Variants in PIAS2 observed in about 807,000 individuals in gnomAD.
The protein encoded by PIAS2 is E3 SUMO-protein ligase PIAS2.
In PIAS2, 19 loss-of-function variants were observed where a neutral mutation model predicts 69.7. The observed-to-expected ratio is 0.27, with a 90% CI of 0.19 to 0.40. The LOEUF is 0.40. Ranked by LOEUF, PIAS2 falls within the 10% of genes least tolerant of loss-of-function variation. The pLI, the probability that PIAS2 is intolerant of heterozygous loss-of-function variation, is 1.00. For missense variants in PIAS2, 624 were observed against 757.0 expected, an observed-to-expected ratio of 0.82 and a Z score of 2.06; for synonymous variants, 261 against 263.2, an observed-to-expected ratio of 0.99 and a Z score of 0.08.
chr18:46,864,387 G>A (rs751809231), intron 2 of PIAS2, 139 bp from the exon 3 acceptor site: 38 of 599,038 alleles, frequency 6.3e-5, no homozygotes, highest in Non-Finnish European at 1.0e-4. Flanking sequence ...AAATCAGGAA[G>A]TACTAAACTG....
rs1300944025 is a variant in PIAS2, at chr18:46,810,005, G to A, written c.*2428C>T. 1 of 152,098 alleles carries A rather than the reference G, an allele frequency of 6.6e-6. No individual in the cohort carries two copies. 9.4% of individuals were successfully genotyped at this position (152,098 alleles called of 1,614,324 possible). Reference sequence around the variant, plus strand: ...ATTAATAATCATGATGTTGCCATAAGGCCAAAGTCATAAAGTACTAATGCT... The same window carrying A: ...ATTAATAATCATGATGTTGCCATAAAGCCAAAGTCATAAAGTACTAATGCT... On this transcript the variant is annotated 3_prime_UTR_variant, in exon 14 of 14. Coordinates refer to ENST00000585916, the MANE Select transcript of PIAS2 (RefSeq NM_004671.5).
intron 1 of PIAS2, among the ~76,000 whole-genome samples, chr18:46,910,321 G>C (rs961760308): frequency 4.6e-5 from 7 of 152,148 alleles, no homozygotes; most frequent in African/African-American, 1.7e-4. Context: ...TCCTGCTAAA[G>C]TTACACTAAT....
chr18:46,855,534 A>C, intron 4 of PIAS2, 31 bp downstream of exon 4: 2 of 1,601,882 alleles, frequency 1.2e-6, no homozygotes, highest in Non-Finnish European at 1.7e-6. Context: ...AGCAAGTATA[A>C]AACTAAGGTA....
chr18:46,827,657 C>T lies in PIAS2; in HGVS notation c.1508+302G>A, dbSNP rs188492800. 18 of 240,536 alleles carry T rather than the reference C, an allele frequency of 7.5e-5. No homozygotes were observed. The East Asian group carries it at 1.4e-3, about 18-fold the overall frequency. 14.9% of individuals were successfully genotyped at this position (240,536 alleles called of 1,614,324 possible). A position where few individuals can be genotyped will look rare whatever the true frequency, so the allele number is the denominator to read the frequency against. ...TTCCCAGTTCCACACTCCATTACAC[C>T]AGACTTTCTCATCTGGTCTGAGATG... is the stretch of plus-strand genomic sequence containing the variant. On this transcript the variant is annotated intron_variant, in intron 11 of 13. Coordinates refer to ENST00000585916, the MANE Select transcript of PIAS2 (RefSeq NM_004671.5).
chr18:46,842,188 T>C (rs1326788724), intron 8 of PIAS2, among the ~76,000 whole-genome samples: 2 of 147,386 alleles, frequency 1.4e-5, no homozygotes, highest in Non-Finnish European at 3.0e-5. Context: ...TTCATGCTAC[T>C]GCATTCCAGC....
At chr18:46,890,142 C>T (rs1425776031) in intron 2 of PIAS2, among the ~76,000 whole-genome samples, 1 of 152,136 alleles carries the variant, frequency 6.6e-6, no homozygotes, top group Non-Finnish European at 1.5e-5. Flanking sequence ...TAGTCAAAAT[C>T]ATAGACAGTG....
rs2040989263 is a variant in PIAS2, at chr18:46,811,335, T to C, written c.*1098A>G. Reference sequence around the variant, plus strand: ...AATCACTGCTGAGACTGAAATTACATTGGTGAGAAATATGATCATCATAAA... The same window carrying C: ...AATCACTGCTGAGACTGAAATTACACTGGTGAGAAATATGATCATCATAAA... On this transcript the variant is annotated 3_prime_UTR_variant, in exon 14 of 14. Transcript: ENST00000585916. The C allele has an allele frequency of 6.6e-6, 1 of 152,134 alleles. No individual in the cohort carries two copies. Among genetic ancestry groups the C allele is most frequent in the African/African-American group, 2.4e-5 (1 of 41,420 alleles). The allele number at this position is 152,134 out of a possible 1,614,324, so 9.4% of individuals were successfully genotyped here. A position where few individuals can be genotyped will look rare whatever the true frequency, so the allele number is the denominator to read the frequency against.
intron 11 of PIAS2, 93 bp downstream of exon 11, chr18:46,827,866 G>T: frequency 1.8e-6 from 2 of 1,125,282 alleles, no homozygotes; most frequent in Non-Finnish European, 2.5e-6. Flanking sequence ...GCCTTCTACA[G>T]TTATGCCATT....
At chr18:46,830,529 A>T (rs928431456) in intron 9 of PIAS2, among the ~76,000 whole-genome samples, 2 of 152,082 alleles carry the variant, frequency 1.3e-5, no homozygotes, top group African/African-American at 4.8e-5. Context: ...TTCCCTAATT[A>T]GAAATAAAGT....
At chr18:46,828,297 T>A (rs1282358586) in intron 10 of PIAS2, among the ~76,000 whole-genome samples, 167 bp from the exon 11 acceptor site, 3 of 152,224 alleles carry the variant, frequency 2.0e-5, no homozygotes, top group African/African-American at 7.2e-5. Flanking sequence ...TCCAGACCTC[T>A]GTCTGTAAAA....
At chr18:46,834,021 C>CT (rs3837881) in intron 9 of PIAS2, among the ~76,000 whole-genome samples, 14,031 of 149,354 alleles carry the variant, frequency 0.094, 749 homozygotes, top group African/African-American at 0.15. Flanking sequence ...ACTTAATATA[C>CT]TTTTTTTTTT....
chr18:46,812,517 A>AT lies in PIAS2; in HGVS notation c.1781dup (p.His594GlnfsTer3), dbSNP rs1568330177. Reference sequence around the variant, plus strand: ...CACTCCTGCTGCTGGATGAACTAACATGAGTACTGCTTTCATGGGAGCTGG... The same window carrying AT: ...CACTCCTGCTGCTGGATGAACTAACATTGAGTACTGCTTTCATGGGAGCTGG... On this transcript the variant is annotated frameshift_variant, in exon 14 of 14. Coordinates refer to ENST00000585916, the MANE Select transcript of PIAS2 (RefSeq NM_004671.5). LOFTEE classifies it high-confidence loss of function. The AT allele has an allele frequency of 6.2e-7, 1 of 1,613,130 alleles. No homozygotes were observed. Among genetic ancestry groups the AT allele is most frequent in the Admixed American group, 1.7e-5 (1 of 60,010 alleles).
chr18:46,885,808 G>A (rs1195470876), intron 2 of PIAS2, among the ~76,000 whole-genome samples: 1 of 152,198 alleles, frequency 6.6e-6, no homozygotes, highest in African/African-American at 2.4e-5. Context: ...CGACCAAAAT[G>A]CAGGGAGTTT....
At chr18:46,884,976 G>C (rs2145908466) in intron 2 of PIAS2, among the ~76,000 whole-genome samples, 1 of 152,060 alleles carries the variant, frequency 6.6e-6, no homozygotes, top group East Asian at 1.9e-4. Flanking sequence ...GAGCACATCA[G>C]GATGGTTATT....
At chr18:46,909,630 G>A (rs960966638) in intron 1 of PIAS2, among the ~76,000 whole-genome samples, 4 of 152,182 alleles carry the variant, frequency 2.6e-5, no homozygotes, top group African/African-American at 7.2e-5. Flanking sequence ...TGGAGAGAAC[G>A]AAGACTGACA....
At chr18:46,856,172 ATTTTAT>A (rs1178061305) in intron 3 of PIAS2, among the ~76,000 whole-genome samples, 1 of 151,452 alleles carries the variant, frequency 6.6e-6, no homozygotes, top group Non-Finnish European at 1.5e-5. Flanking sequence ...CGCCCGGCTA[ATTTTAT>A]TTTTATCAGA....
intron 1 of PIAS2, among the ~76,000 whole-genome samples, chr18:46,894,292 C>G (rs983554918): frequency 1.3e-5 from 2 of 152,118 alleles, no homozygotes; most frequent in Non-Finnish European, 2.9e-5. Context: ...AGTCTTTCAC[C>G]AAGTTTCAGG....
At chr18:46,877,845 TTA>T (rs1372779738) in intron 2 of PIAS2, among the ~76,000 whole-genome samples, 1 of 152,222 alleles carries the variant, frequency 6.6e-6, no homozygotes, top group Non-Finnish European at 1.5e-5. Flanking sequence ...CTCATTTTCC[TTA>T]TGACTCCGAG....
chr18:46,863,064 T>C (rs543824365), intron 3 of PIAS2, among the ~76,000 whole-genome samples: 1 of 152,226 alleles, frequency 6.6e-6, no homozygotes, highest in East Asian at 1.9e-4. Flanking sequence ...TTCTTTCTTC[T>C]TACATCTCTT....
Sources: allele counts gnomAD v4.1 joint callset (sites outside exome capture counted in the v4.1 genomes callset), GRCh38; gene constraint gnomAD v4.1.1; transcripts MANE v1.5; gene names NCBI Gene and HGNC (gene_info 2026-07-23, HGNC 2026-07-21).